Variants in PARD3B observed in about 807,000 individuals in gnomAD.
PARD3B encodes partitioning defective 3 homolog B.
A neutral mutation model predicts 130.2 loss-of-function variants in PARD3B; 103 were observed. The observed-to-expected ratio is 0.79, with a 90% confidence interval of 0.67 to 0.93. PARD3B has a LOEUF of 0.93. PARD3B is among the 40% of genes least tolerant of loss of function. PARD3B has a pLI of 0.00. For missense variants in PARD3B, 1,609 were observed against 1,499.2 expected, an observed-to-expected ratio of 1.07 and a Z score of -1.21; for synonymous variants, 583 against 553.2, an observed-to-expected ratio of 1.05 and a Z score of -0.76.
chr2:205,071,059 C>T (rs780681403), intron 4 of PARD3B, among the ~76,000 whole-genome samples: 18 of 151,648 alleles, frequency 1.2e-4, no homozygotes, highest in Non-Finnish European at 2.6e-4. Flanking sequence ...AAATTTGTTT[C>T]TTGGAAGTGT....
chr2:205,084,542 C>T (rs545009546), intron 4 of PARD3B, among the ~76,000 whole-genome samples: 1 of 152,032 alleles, frequency 6.6e-6, no homozygotes, highest in East Asian at 1.9e-4. Flanking sequence ...CTATTGCAAT[C>T]GTTCTCTTTT....
intron 3 of PARD3B, among the ~76,000 whole-genome samples, chr2:204,975,575 C>G (rs750712819): frequency 3.9e-4 from 59 of 152,318 alleles, no homozygotes; most frequent in Non-Finnish European, 6.3e-4. Flanking sequence ...CTAGTCTGGA[C>G]GTACTTCTTA....
At chr2:205,324,473 TGAA>T (rs1559662057) in intron 18 of PARD3B, among the ~76,000 whole-genome samples, 1 of 152,188 alleles carries the variant, frequency 6.6e-6, no homozygotes, top group Non-Finnish European at 1.5e-5. Context: ...AGAAAGTAAC[TGAA>T]ATTTCCTTTC....
chr2:205,052,795 T>C (rs1559391085), intron 4 of PARD3B, among the ~76,000 whole-genome samples: 1 of 152,130 alleles, frequency 6.6e-6, no homozygotes, highest in Admixed American at 6.6e-5. Flanking sequence ...ACATAATATG[T>C]AAGTTCAAGA....
chr2:204,760,327 T>G (rs1039682015), intron 2 of PARD3B, among the ~76,000 whole-genome samples: 1 of 152,100 alleles, frequency 6.6e-6, no homozygotes, highest in Non-Finnish European at 1.5e-5. Flanking sequence ...TTTGCTTGTA[T>G]TGATTTTTGT....
rs2036383253 is a variant in PARD3B, at chr2:204,673,099, A to T, written c.121-13082A>T. ...AGTGGTAAATTTTGAATTTCAGCCTAGTCTTACTTTAAAGCTCATACTTTT... is the reference window on the plus strand; with the variant it reads ...AGTGGTAAATTTTGAATTTCAGCCTTGTCTTACTTTAAAGCTCATACTTTT... On this transcript the variant is annotated intron_variant, in intron 1 of 22. Transcript: ENST00000406610. The surrounding 1 kb of genome is among the most constrained non-coding windows in gnomAD (Gnocchi z 4.7). 6.6e-6 allele frequency among the ~76,000 whole-genome samples: 1 copy of T among 152,178 alleles called. No homozygotes were observed. Among genetic ancestry groups the T allele is most frequent in the African/African-American group, 2.4e-5 (1 of 41,452 alleles).
At chr2:204,555,106 A>G (rs1273118942) in intron 1 of PARD3B, among the ~76,000 whole-genome samples, 5 of 152,148 alleles carry the variant, frequency 3.3e-5, no homozygotes, top group African/African-American at 1.2e-4. Context: ...GGTAGGCAAC[A>G]TTTCGCACAT....
rs149173550 is a variant in PARD3B at position 205,544,434 on chromosome 2, C to T, written c.3181-8890C>T. 5.6e-4 allele frequency among the ~76,000 whole-genome samples: 86 copies of T among 152,240 alleles called. 1 individual carries two copies. The East Asian group carries it at 0.016, about 28-fold the overall frequency. On this transcript the variant is annotated intron_variant, in intron 21 of 22. Transcript: ENST00000406610. Reference sequence around the variant, plus strand: ...GCTCTTCAAGCTTGTTGGCAAGGCACATACGCACACGTGCACATACACACA... The same window carrying T: ...GCTCTTCAAGCTTGTTGGCAAGGCATATACGCACACGTGCACATACACACA...
intron 21 of PARD3B, among the ~76,000 whole-genome samples, chr2:205,510,662 G>A (rs1575204245): frequency 6.6e-6 from 1 of 152,294 alleles, no homozygotes; most frequent in East Asian, 1.9e-4. Context: ...GAAGAAAGTT[G>A]ACTTCTAGCA....
chr2:204,942,578 G>A (rs530773648), intron 2 of PARD3B, among the ~76,000 whole-genome samples: 5 of 151,626 alleles, frequency 3.3e-5, no homozygotes, highest in East Asian at 1.9e-4. Context: ...TTTGGACATC[G>A]TAACAAAGCT....
chr2:204,816,411 A>C (rs2043148632), intron 2 of PARD3B, among the ~76,000 whole-genome samples: 1 of 151,786 alleles, frequency 6.6e-6, no homozygotes, highest in South Asian at 2.1e-4. Flanking sequence ...GAACTTTAAC[A>C]TTTCTTTTAA....
chr2:205,027,044 G>A (rs556180382), intron 3 of PARD3B, among the ~76,000 whole-genome samples: 1 of 152,196 alleles, frequency 6.6e-6, no homozygotes, highest in East Asian at 1.9e-4. Flanking sequence ...AATTCCTTTG[G>A]ATATATGACC....
At chr2:205,312,584 A>G (rs2042427894) in intron 18 of PARD3B, among the ~76,000 whole-genome samples, 1 of 152,240 alleles carries the variant, frequency 6.6e-6, no homozygotes, top group African/African-American at 2.4e-5. Context: ...TTACAGAGGA[A>G]AAGAAATCGA....
chr2:204,601,217 T>A (rs1218380797), intron 1 of PARD3B, among the ~76,000 whole-genome samples: 3 of 151,980 alleles, frequency 2.0e-5, no homozygotes, highest in Admixed American at 2.0e-4. Flanking sequence ...ATTTTTCTAA[T>A]AAGGATTAGT....
At position 205,308,443 on chromosome 2, in the gene PARD3B, A is replaced by G. The variant is rs189621042; in HGVS notation, c.2630+6742A>G. On this transcript the variant is annotated intron_variant, in intron 18 of 22. Coordinates refer to ENST00000406610, the MANE Select transcript of PARD3B (RefSeq NM_001302769.2). ...AACATGGTGAAACCCCGTCTCTACT[A>G]AAAAATACAAAAAATTAGCCATGCG... 1.1e-3 allele frequency among the ~76,000 whole-genome samples: 168 copies of G among 151,936 alleles called. 2 individuals are homozygous for G. The highest frequency in any genetic ancestry group is 3.6e-3 in the African/African-American group (149 of 41,458).
At chr2:205,424,948 G>A (rs1574987236) in intron 19 of PARD3B, among the ~76,000 whole-genome samples, 1 of 152,116 alleles carries the variant, frequency 6.6e-6, no homozygotes, top group Non-Finnish European at 1.5e-5. Flanking sequence ...TAAAATAAAG[G>A]CTACTTCTTG....
At chr2:205,048,026 G>A (rs749329510) in intron 4 of PARD3B, 9 of 176,578 alleles carry the variant, frequency 5.1e-5, no homozygotes, top group Non-Finnish European at 9.5e-5. Context: ...TTTGTTTAAG[G>A]TCACATAGCT....
chr2:205,106,633 A>T (rs374634503), intron 5 of PARD3B, among the ~76,000 whole-genome samples: 9 of 152,020 alleles, frequency 5.9e-5, no homozygotes, highest in African/African-American at 2.2e-4. Context: ...TAGAGACTTA[A>T]TTGACACCCA....
At chr2:205,040,322 G>T (rs1698306609) in intron 3 of PARD3B, among the ~76,000 whole-genome samples, 1 of 152,130 alleles carries the variant, frequency 6.6e-6, no homozygotes, top group South Asian at 2.1e-4. Context: ...GTCTACACTG[G>T]CACTTTGTTG....
Sources: gnomAD v4.1 joint callset for allele counts (sites outside exome capture counted in the v4.1 genomes callset) on GRCh38, gnomAD v4.1.1 for gene constraint, Gnocchi (gnomAD v3.1) non-coding constraint, MANE v1.5 for transcripts, NCBI Gene and HGNC (gene_info 2026-07-23, HGNC 2026-07-21) for gene names.